Variants in ABCB11 observed in about 807,000 individuals in gnomAD.
ABCB11 encodes ATP binding cassette subfamily B member 11.
In ABCB11, 95 loss-of-function variants were observed where a neutral mutation model predicts 148.0. That is an observed-to-expected ratio of 0.64 (90% CI 0.54 to 0.76). The LOEUF (loss-of-function observed/expected upper bound fraction) is 0.76, where lower values mean the gene tolerates loss of function less well. ABCB11 is among the 30% of genes least tolerant of loss of function. The pLI is 0.00. For missense variants in ABCB11, 1,523 were observed against 1,617.8 expected (o/e 0.94, Z 1.01); for synonymous variants, 591 against 555.4 (o/e 1.06, Z -0.90).
At chr2:168,981,977 A>G (rs1694149978) in intron 10 of ABCB11, among the ~76,000 whole-genome samples, 1 of 152,150 alleles carries the variant, frequency 6.6e-6, no homozygotes. Context: ...AACTCTTTGA[A>G]TGGCTCTCTG....
intron 5 of ABCB11, among the ~76,000 whole-genome samples, chr2:169,000,753 T>C (rs1184865758): frequency 6.6e-6 from 1 of 152,166 alleles, no homozygotes; most frequent in Admixed American, 6.6e-5. Flanking sequence ...TTTTAGCTAT[T>C]CCAGTTTTTT....
Position 168,995,524 on chromosome 2 carries a change from A to C in ABCB11, c.478-42T>G, listed in dbSNP as rs751727368. On this transcript the variant is annotated intron_variant, in intron 6 of 27. Transcript: ENST00000650372. The stretch of plus-strand genomic sequence containing the variant: ...GAATGTTTAGCATTGCAATGTTTGA[A>C]ATATTTGTTAATTTCTTTTTTCAGA... 3.2e-6 allele frequency: 5 copies of C among 1,574,140 alleles called. No homozygotes were observed. The East Asian group carries it at 1.2e-4, about 36-fold the overall frequency.
chr2:168,981,695 C>A (rs570197086), intron 10 of ABCB11, among the ~76,000 whole-genome samples: 3 of 152,216 alleles, frequency 2.0e-5, no homozygotes, highest in African/African-American at 7.2e-5. Context: ...GCAAAGGAAC[C>A]TTCCATTTGC....
intron 18 of ABCB11, among the ~76,000 whole-genome samples, chr2:168,963,381 C>T (rs1047035395): frequency 2.0e-5 from 3 of 151,584 alleles, no homozygotes; most frequent in Admixed American, 6.6e-5. Context: ...TTGATTAAGG[C>T]TCAATAAGAA....
chr2:168,980,759 T>C (rs16856327), intron 10 of ABCB11, among the ~76,000 whole-genome samples: 5,026 of 152,214 alleles, frequency 0.033, 128 homozygotes, highest in East Asian at 0.049. Flanking sequence ...GGGCAGCTGT[T>C]CTTTGACTTA....
At chr2:168,933,115 A>AC (rs1268956736) in intron 23 of ABCB11, among the ~76,000 whole-genome samples, 2 of 151,720 alleles carry the variant, frequency 1.3e-5, no homozygotes, top group Non-Finnish European at 2.9e-5. Context: ...TCTCAAAAAA[A>AC]AAAAAAAAGA....
At chr2:168,940,327 T>G (rs1440743122) in intron 21 of ABCB11, among the ~76,000 whole-genome samples, 1 of 152,088 alleles carries the variant, frequency 6.6e-6, no homozygotes, top group Non-Finnish European at 1.5e-5. Flanking sequence ...AAAAGTGCTA[T>G]TCTAGTGAAC....
In ABCB11 at chr2:169,018,172, A is replaced by C. The variant is rs1573985199; in HGVS notation, c.-27-20T>G. 6.3e-7 allele frequency: 1 copy of C among 1,579,470 alleles called. No individual in the cohort carries two copies. Among genetic ancestry groups the C allele is most frequent in the African/African-American group, 1.4e-5 (1 of 73,974 alleles). Reference sequence around the variant, plus strand: ...ACGACCCTATAAAATAAAATAAAAGAATCATTGCAATTATTATCTCTTCTT... The same window carrying C: ...ACGACCCTATAAAATAAAATAAAAGCATCATTGCAATTATTATCTCTTCTT... On this transcript the variant is annotated intron_variant, in intron 1 of 27. Transcript: ENST00000650372.
intron 19 of ABCB11, among the ~76,000 whole-genome samples, chr2:168,956,784 G>A (rs1481699035): frequency 2.0e-5 from 3 of 151,620 alleles, no homozygotes; most frequent in Admixed American, 6.6e-5. Flanking sequence ...TAACATCTCC[G>A]TGGAATCTTT....
intron 10 of ABCB11, among the ~76,000 whole-genome samples, chr2:168,984,705 C>T (rs1001383583): frequency 2.6e-4 from 40 of 152,064 alleles, no homozygotes; most frequent in African/African-American, 9.7e-4. Flanking sequence ...AGAAAATCAT[C>T]ATTTCATAGC....
At chr2:169,012,897 G>T (rs938183807) in intron 5 of ABCB11, among the ~76,000 whole-genome samples, 4 of 152,220 alleles carry the variant, frequency 2.6e-5, no homozygotes, top group Admixed American at 2.0e-4. Context: ...AAGCTAAGGG[G>T]CAGAGGGGAG....
intron 17 of ABCB11, among the ~76,000 whole-genome samples, chr2:168,964,859 T>C (rs78485396): frequency 0.035 from 5,291 of 151,906 alleles, 320 homozygotes; most frequent in African/African-American, 0.12. Context: ...ATAATTTAGC[T>C]CAATGTGTTC....
intron 8 of ABCB11, among the ~76,000 whole-genome samples, chr2:168,992,734 G>A (rs1378326480): frequency 1.3e-5 from 2 of 152,098 alleles, no homozygotes; most frequent in Non-Finnish European, 2.9e-5. Flanking sequence ...GTACAGCCAA[G>A]TGGTGACCTA....
At chr2:168,974,623 C>T (rs993027117) in intron 12 of ABCB11, among the ~76,000 whole-genome samples, 3 of 151,928 alleles carry the variant, frequency 2.0e-5, no homozygotes, top group African/African-American at 2.4e-5. Flanking sequence ...GCTTTTTTAT[C>T]ATTATAGCAC....
intron 24 of ABCB11, among the ~76,000 whole-genome samples, chr2:168,931,781 T>C (rs939207992): frequency 4.9e-4 from 74 of 152,222 alleles, no homozygotes; most frequent in African/African-American, 1.7e-3. Flanking sequence ...TCACTGAATG[T>C]CATCACCTTG....
Position 168,971,830 on chromosome 2 carries a change from T to C in ABCB11, c.1638+17A>G. The C allele has an allele frequency of 1.2e-6, 2 of 1,610,296 alleles. No individual in the cohort carries two copies. Among genetic ancestry groups the C allele is most frequent in the Non-Finnish European group, 1.7e-6 (2 of 1,177,186 alleles). ...ATGACCTCTTAGTTTCTCCCAGGAATGTATGGCTAGGGGTACCTGTGGCAG... is the reference window on the plus strand; with the variant it reads ...ATGACCTCTTAGTTTCTCCCAGGAACGTATGGCTAGGGGTACCTGTGGCAG... On this transcript the variant is annotated intron_variant, in intron 14 of 27. Coordinates refer to ENST00000650372, the MANE Select transcript of ABCB11 (RefSeq NM_003742.4).
Position 168,958,130 on chromosome 2 carries a change from T to C in ABCB11, c.2179-2A>G. On this transcript the variant is annotated splice_acceptor_variant, in intron 18 of 27. Transcript: ENST00000650372. LOFTEE classifies it high-confidence loss of function. ...TTCCTGCACAGGAATGTCCTTGTCC[T>C]TGAGCAGAGAGAGGGTTATATTAAT... 1.2e-6 allele frequency: 2 copies of C among 1,610,658 alleles called. No homozygotes were observed. The highest frequency in any genetic ancestry group is 1.7e-6 in the Non-Finnish European group (2 of 1,177,828).
chr2:168,947,226 A>C (rs1692361898), intron 19 of ABCB11, among the ~76,000 whole-genome samples: 1 of 151,842 alleles, frequency 6.6e-6, no homozygotes, highest in Non-Finnish European at 1.5e-5. Flanking sequence ...CCAGTGAGGT[A>C]GATTTTCTTG....
At chr2:168,980,924 C>T (rs983801160) in intron 10 of ABCB11, among the ~76,000 whole-genome samples, 1 of 152,134 alleles carries the variant, frequency 6.6e-6, no homozygotes, top group Non-Finnish European at 1.5e-5. Context: ...GAAGGAATAC[C>T]AGTCTCCTCC....
Sources: gnomAD v4.1 joint callset for allele counts (sites outside exome capture counted in the v4.1 genomes callset) on GRCh38, gnomAD v4.1.1 for gene constraint, MANE v1.5 for transcripts, NCBI Gene and HGNC (gene_info 2026-07-23, HGNC 2026-07-21) for gene names.